EPB41L2: variants seen among roughly 807,000 people sequenced by gnomAD.
EPB41L2 encodes the protein erythrocyte membrane protein band 4.1 like 2.
In EPB41L2, 43 loss-of-function variants were observed where a neutral mutation model predicts 113.0. The observed-to-expected ratio is 0.38, with a 90% CI of 0.30 to 0.49. The LOEUF is 0.49. Ranked by LOEUF, EPB41L2 falls within the 20% of genes least tolerant of loss-of-function variation. The pLI, the probability that EPB41L2 is intolerant of heterozygous loss-of-function variation, is 0.95. For missense variants in EPB41L2, 1,147 were observed against 1,223.4 expected, an observed-to-expected ratio of 0.94 and a Z score of 0.93; for synonymous variants, 442 against 436.7, an observed-to-expected ratio of 1.01 and a Z score of -0.15.
chr6:130,957,565 C>T (rs1583927578), intron 1 of EPB41L2, among the ~76,000 whole-genome samples: 1 of 150,618 alleles, frequency 6.6e-6, no homozygotes, highest in South Asian at 2.1e-4. Flanking sequence ...GAGTCTGAGA[C>T]AAGAAACATG....
chr6:131,006,301 C>T (rs991401183), intron 1 of EPB41L2, among the ~76,000 whole-genome samples: 4 of 151,372 alleles, frequency 2.6e-5, no homozygotes, highest in African/African-American at 9.7e-5. Flanking sequence ...AAATGATCTG[C>T]CTGCCTCTGC....
intron 12 of EPB41L2, among the ~76,000 whole-genome samples, chr6:130,883,488 AT>A (rs1330450377): frequency 4.6e-5 from 7 of 152,254 alleles, no homozygotes; most frequent in African/African-American, 1.7e-4. Context: ...GCTGACAGAC[AT>A]TCAAAGCATT....
rs1196659501 is a variant in EPB41L2 at position 130,878,129 on chromosome 6, G to A, written c.2018C>T (p.Thr673Ile). The change falls in exon 14 of 20, where the codon ACA (threonine) becomes ATA (isoleucine). Residue 673 changes from threonine to isoleucine, a missense_variant. Coordinates refer to ENST00000337057, the MANE Select transcript of EPB41L2 (RefSeq NM_001431.4). ...CCCTTGTGTCTGTAGGGACAGAGGTGTGATACGTCGTTTTTCCCATTCATT... is the reference window on the plus strand; with the variant it reads ...CCCTTGTGTCTGTAGGGACAGAGGTATGATACGTCGTTTTTCCCATTCATT... ...RPNEWEKRRI[T>I]PLSLQTQGSS... 8.7e-6 allele frequency: 14 copies of A among 1,613,404 alleles called. No individual in the cohort carries two copies. Among genetic ancestry groups the A allele is most frequent in the Non-Finnish European group, 1.1e-5 (13 of 1,179,728 alleles).
intron 4 of EPB41L2, among the ~76,000 whole-genome samples, chr6:130,909,602 G>T: frequency 6.6e-6 from 1 of 152,206 alleles, no homozygotes; most frequent in Non-Finnish European, 1.5e-5. Context: ...AATTGTCTCT[G>T]TTTGCAGATG....
chr6:130,972,430 T>C (rs978349218), intron 1 of EPB41L2, among the ~76,000 whole-genome samples: 1 of 151,206 alleles, frequency 6.6e-6, no homozygotes, highest in Non-Finnish European at 1.5e-5. Context: ...AAATGTAAAG[T>C]CACTAAAAGA....
chr6:130,937,507 T>C (rs928203911), intron 3 of EPB41L2, among the ~76,000 whole-genome samples: 1 of 151,960 alleles, frequency 6.6e-6, no homozygotes. Flanking sequence ...TGCTCAATTA[T>C]TCACTTAAAA....
rs1349217465 is a variant in EPB41L2 at position 131,045,143 on chromosome 6, T to C, written c.-15+18012A>G. On this transcript the variant is annotated intron_variant, in intron 1 of 19. Transcript: ENST00000337057. Reference sequence around the variant, plus strand: ...TTTCTACGGCTAGTTCTTCAGGTGCTATAGTTTCTCCTCATCTCAACATCC... The same window carrying C: ...TTTCTACGGCTAGTTCTTCAGGTGCCATAGTTTCTCCTCATCTCAACATCC... Among the ~76,000 whole-genome samples, 3 of 152,176 alleles carry C rather than the reference T, an allele frequency of 2.0e-5. No homozygotes were observed. In the East Asian group the frequency reaches 5.8e-4, roughly 29 times the overall value.
intron 19 of EPB41L2, among the ~76,000 whole-genome samples, chr6:130,849,758 T>TC (rs374661481): frequency 5.3e-5 from 8 of 152,298 alleles, no homozygotes; most frequent in African/African-American, 1.9e-4. Flanking sequence ...GAAGGTTCTT[T>TC]CCTCACAGTT....
intron 19 of EPB41L2, among the ~76,000 whole-genome samples, chr6:130,842,823 G>C (rs1333834800): frequency 6.6e-6 from 1 of 152,098 alleles, no homozygotes; most frequent in Admixed American, 6.5e-5. Flanking sequence ...TAGAGAAAAA[G>C]ACATAGTTAC....
At chr6:130,973,060 C>A (rs768734701) in intron 1 of EPB41L2, among the ~76,000 whole-genome samples, 7 of 151,626 alleles carry the variant, frequency 4.6e-5, no homozygotes. Flanking sequence ...TGCAGTGAGC[C>A]GAGATCGTGC....
intron 19 of EPB41L2, 33 bp downstream of exon 19, chr6:130,858,098 T>A: frequency 1.3e-6 from 2 of 1,532,292 alleles, no homozygotes; most frequent in Non-Finnish European, 1.8e-6. Flanking sequence ...GAGCAGTCAC[T>A]AGAAAGGCCA....
chr6:130,859,695 A>C (rs948814461), intron 18 of EPB41L2, among the ~76,000 whole-genome samples: 4 of 152,030 alleles, frequency 2.6e-5, no homozygotes, highest in Non-Finnish European at 5.9e-5. Context: ...TGTCAGCTGT[A>C]AGGATACTAA....
chr6:130,997,460 C>T (rs1419828083), intron 1 of EPB41L2, among the ~76,000 whole-genome samples: 1 of 152,148 alleles, frequency 6.6e-6, no homozygotes, highest in African/African-American at 2.4e-5. Context: ...GATCTACTTT[C>T]AGACCACACA....
intron 8 of EPB41L2, 24 bp downstream of exon 8, chr6:130,899,467 T>C: frequency 6.3e-7 from 1 of 1,592,646 alleles, no homozygotes; most frequent in Non-Finnish European, 8.6e-7. Flanking sequence ...ACTATGATGC[T>C]ACTCCCCGTT....
chr6:130,865,440 T>C, intron 17 of EPB41L2, 96 bp downstream of exon 17: 1 of 1,229,824 alleles, frequency 8.1e-7, no homozygotes, highest in East Asian at 2.4e-5. Context: ...TGTCTGTATC[T>C]TACTTGGAAG....
intron 1 of EPB41L2, among the ~76,000 whole-genome samples, chr6:130,975,943 A>T (rs1778093656): frequency 6.6e-6 from 1 of 152,102 alleles, no homozygotes; most frequent in African/African-American, 2.4e-5. Flanking sequence ...CAGGAGAATC[A>T]CTTGAGCCTG....
At chr6:130,859,679 A>G (rs1280158596) in intron 18 of EPB41L2, among the ~76,000 whole-genome samples, 1 of 151,800 alleles carries the variant, frequency 6.6e-6, no homozygotes, top group Admixed American at 6.6e-5. Context: ...TTTGCATGAT[A>G]GTTTCTGTCA....
chr6:131,040,806 ATGTT>A (rs1794312697), intron 1 of EPB41L2, among the ~76,000 whole-genome samples: 2 of 152,206 alleles, frequency 1.3e-5, no homozygotes, highest in African/African-American at 4.8e-5. Context: ...CTTACCAAAA[ATGTT>A]TGTTCTGAAT....
At chr6:130,876,615 T>C (rs1787636341) in intron 14 of EPB41L2, 5 of 1,069,806 alleles carry the variant, frequency 4.7e-6, no homozygotes, top group Non-Finnish European at 6.3e-6. Context: ...TGGCTGTGGA[T>C]AGAAACAAAA....
Sources: allele counts gnomAD v4.1 joint callset (sites outside exome capture counted in the v4.1 genomes callset), GRCh38; gene constraint gnomAD v4.1.1; transcripts MANE v1.5; gene names NCBI Gene and HGNC (gene_info 2026-07-23, HGNC 2026-07-21).